Variants in IL20RB observed in about 807,000 individuals in gnomAD.
IL20RB encodes interleukin 20 receptor subunit beta, also known as interleukin-20 receptor subunit beta.
A neutral mutation model predicts 33.3 loss-of-function variants in IL20RB; 21 were observed. The ratio of observed to expected loss-of-function variants is 0.63; its 90% CI spans 0.45 to 0.91. The LOEUF is 0.91. Among genes scored for constraint, IL20RB ranks in the 40% least tolerant of loss-of-function variants. The pLI, the probability that IL20RB is intolerant of heterozygous loss-of-function variation, is 0.00. For synonymous variants in IL20RB, 147 were observed against 146.8 expected, an observed-to-expected ratio of 1.00 and a Z score of -0.01; for missense variants, 345 against 384.8, an observed-to-expected ratio of 0.90 and a Z score of 0.86.
intron 6 of IL20RB, among the ~76,000 whole-genome samples, chr3:137,004,666 G>A (rs372849076): frequency 6.6e-6 from 1 of 151,560 alleles, no homozygotes; most frequent in Non-Finnish European, 1.5e-5. Context: ...TTTCTTCTTT[G>A]TTAGTCTTGC....
intron 6 of IL20RB, among the ~76,000 whole-genome samples, 191 bp from the exon 7 acceptor site, chr3:137,009,922 G>A (rs1256067567): frequency 3.3e-5 from 5 of 152,088 alleles, no homozygotes. Context: ...CAAGGGAACT[G>A]TAGGGTAGTG....
Position 136,992,000 on chromosome 3 carries a change from G to A in IL20RB, c.594G>A (p.Gly198=). The A allele has an allele frequency of 6.2e-7, 1 of 1,614,220 alleles. No individual in the cohort carries two copies. Among genetic ancestry groups the A allele is most frequent in the Non-Finnish European group, 8.5e-7 (1 of 1,180,040 alleles). The change falls in exon 5 of 7, where the codon GGG becomes GGA. Residue 198 remains glycine, a synonymous_variant. Coordinates refer to ENST00000329582, the MANE Select transcript of IL20RB (RefSeq NM_144717.4). ...TGCACCTAGAAACCATGGAGCCAGG[G>A]GCTGCATACTGTGTGAAGGCCCAGA... ...IPVHLETMEP[G]AAYCVKAQTF... is the part of the protein sequence containing the mutation.
chr3:136,958,306 A>G (rs781121683), intron 1 of IL20RB, 105 bp downstream of exon 1: 126 of 657,454 alleles, frequency 1.9e-4, no homozygotes, highest in Middle Eastern at 4.0e-4. Flanking sequence ...TGTATAGAAT[A>G]TCGTATATCT....
At chr3:137,003,370 A>G (rs1433378381) in intron 6 of IL20RB, among the ~76,000 whole-genome samples, 3 of 152,142 alleles carry the variant, frequency 2.0e-5, no homozygotes, top group Non-Finnish European at 4.4e-5. Context: ...CAGTATGGCC[A>G]TTTTCACGAT....
At position 136,958,197 on chromosome 3, in the gene IL20RB, C is replaced by T; in HGVS notation, c.84C>T (p.Leu28=). ...TCTACGCATTGATTCCATGTTTGCT[C>T]ACAGGTAAGTATGAATTAGAATACA... ...WFFYALIPCL[L]TDEVAILPAP... Residue 28 remains leucine (L), a synonymous_variant, in exon 1 of 7, where the codon CTC becomes CTT. Coordinates refer to ENST00000329582, the MANE Select transcript of IL20RB (RefSeq NM_144717.4). The T allele has an allele frequency of 1.3e-6, 2 of 1,593,378 alleles. No individual in the cohort carries two copies. Among genetic ancestry groups the T allele is most frequent in the Non-Finnish European group, 1.7e-6 (2 of 1,161,280 alleles).
intron 2 of IL20RB, among the ~76,000 whole-genome samples, chr3:136,980,925 C>G (rs544309112): frequency 6.6e-6 from 1 of 152,254 alleles, no homozygotes; most frequent in Non-Finnish European, 1.5e-5. Flanking sequence ...TGGAGGAGTC[C>G]TCACTTTTCC....
At chr3:136,997,103 C>CT (rs34474806) in intron 6 of IL20RB, among the ~76,000 whole-genome samples, 52 of 146,186 alleles carry the variant, frequency 3.6e-4, no homozygotes, top group East Asian at 1.8e-3. Flanking sequence ...CTCTCTCTCT[C>CT]TTTTTTTTTT....
At chr3:136,981,934 G>T in intron 2 of IL20RB, 1 of 356,106 alleles carries the variant, frequency 2.8e-6, no homozygotes, top group Non-Finnish European at 5.1e-6. Context: ...AGATAAAAGA[G>T]ATCCAGACAC....
At chr3:136,970,444 G>A (rs932627783) in intron 1 of IL20RB, among the ~76,000 whole-genome samples, 1 of 152,048 alleles carries the variant, frequency 6.6e-6, no homozygotes, top group Non-Finnish European at 1.5e-5. Flanking sequence ...TTGTCAAAAA[G>A]CAGTTGAGCA....
At chr3:136,992,735 A>G (rs1311441053) in intron 5 of IL20RB, among the ~76,000 whole-genome samples, 1 of 151,800 alleles carries the variant, frequency 6.6e-6, no homozygotes, top group Non-Finnish European at 1.5e-5. Context: ...ATTATATAGT[A>G]TATTTATTTA....
At chr3:136,986,256 T>TAAATAAAA (rs1553805025) in intron 3 of IL20RB, among the ~76,000 whole-genome samples, 7 of 45,158 alleles carry the variant, frequency 1.6e-4, no homozygotes, top group African/African-American at 6.1e-4. Context: ...AATAAATAAA[T>TAAATAAAA]AAAAATAAAA....
chr3:136,998,709 G>A (rs1942183303), intron 6 of IL20RB, among the ~76,000 whole-genome samples: 1 of 151,922 alleles, frequency 6.6e-6, no homozygotes, highest in Non-Finnish European at 1.5e-5. Context: ...TTTTAATAAA[G>A]ATGGCATCTT....
chr3:137,001,681 TA>T (rs1942245491), intron 6 of IL20RB, among the ~76,000 whole-genome samples: 1 of 152,238 alleles, frequency 6.6e-6, no homozygotes, highest in Non-Finnish European at 1.5e-5. Flanking sequence ...ATTTCATGTC[TA>T]CGTCTAAAAT....
chr3:136,958,135 C>G lies in IL20RB; in HGVS notation c.22C>G (p.Leu8Val), dbSNP rs1382939978. Residue 8 changes from leucine (L) to valine (V), a missense_variant, in exon 1 of 7, where the codon CTA (leucine) becomes GTA (valine). Physicochemically the swap from Leu to Val is conservative, Grantham distance 32. Transcript: ENST00000329582. Reference protein sequence around the residue: MQTFTMVLEEIWTSLFMW... With the variant: MQTFTMVVEEIWTSLFMW... ...CCAAATGCAGACTTTCACAATGGTT[C>G]TAGAAGAAATCTGGACAAGTCTTTT... The G allele has an allele frequency of 6.2e-7, 1 of 1,609,374 alleles. No homozygotes were observed. Among genetic ancestry groups the G allele is most frequent in the African/African-American group, 1.3e-5 (1 of 74,950 alleles).
At chr3:136,995,624 C>A in intron 6 of IL20RB, 68 bp downstream of exon 6, 1 of 1,431,010 alleles carries the variant, frequency 7.0e-7, no homozygotes, top group South Asian at 1.2e-5. Context: ...CTTAGCTGGG[C>A]ATGGGCACAT....
At chr3:137,009,521 G>A (rs780656086) in intron 6 of IL20RB, among the ~76,000 whole-genome samples, 1 of 152,078 alleles carries the variant, frequency 6.6e-6, no homozygotes, top group Non-Finnish European at 1.5e-5. Context: ...CTCTGTGGTG[G>A]AAGAAGGTTA....
chr3:136,988,084 G>T (rs555398274), intron 3 of IL20RB, among the ~76,000 whole-genome samples: 1 of 152,350 alleles, frequency 6.6e-6, no homozygotes, highest in African/African-American at 2.4e-5. Flanking sequence ...CAAAGTGGGA[G>T]CCCAGGCAGA....
At chr3:137,008,777 G>A (rs896273662) in intron 6 of IL20RB, among the ~76,000 whole-genome samples, 10 of 152,030 alleles carry the variant, frequency 6.6e-5, no homozygotes, top group Non-Finnish European at 1.2e-4. Flanking sequence ...TTTAAGTGAC[G>A]TGTTAAAATG....
chr3:136,969,912 AC>A (rs1941427563), intron 1 of IL20RB, among the ~76,000 whole-genome samples: 1 of 151,928 alleles, frequency 6.6e-6, no homozygotes, highest in South Asian at 2.1e-4. Context: ...ACATCTAAGA[AC>A]TTTTTGCCCA....
Sources: gnomAD v4.1 joint callset for allele counts (sites outside exome capture counted in the v4.1 genomes callset) on GRCh38, gnomAD v4.1.1 for gene constraint, MANE v1.5 for transcripts, NCBI Gene and HGNC (gene_info 2026-07-23, HGNC 2026-07-21) for gene names.